The following PRSS12 variants were observed in gnomAD, a reference collection of about 807,000 sequenced individuals.
The protein encoded by PRSS12 is serine protease 12.
PRSS12 carries 85 observed loss-of-function variants against 104.4 expected under a neutral mutation model. That is an observed-to-expected ratio of 0.81 (90% CI 0.68 to 0.98). The LOEUF is 0.98. Among genes scored for constraint, PRSS12 ranks in the 50% least tolerant of loss-of-function variants. The pLI is 0.00. For missense variants in PRSS12, 1,141 were observed against 1,139.2 expected (o/e 1.00, Z -0.02); for synonymous variants, 454 against 425.2 (o/e 1.07, Z -0.83).
chr4:118,313,022 T>C (rs1743790197), intron 7 of PRSS12, 179 bp downstream of exon 7: 2 of 693,874 alleles, frequency 2.9e-6, no homozygotes, highest in South Asian at 3.8e-5. Flanking sequence ...TTCATAATGT[T>C]GGCGCACAGA....
chr4:118,305,548 A>G (rs958735018), intron 8 of PRSS12, among the ~76,000 whole-genome samples: 2 of 152,042 alleles, frequency 1.3e-5, no homozygotes, highest in African/African-American at 4.8e-5. Context: ...CATTACCACA[A>G]CCAAGGTGCT....
intron 8 of PRSS12, among the ~76,000 whole-genome samples, chr4:118,299,542 T>G (rs903407292): frequency 2.0e-5 from 3 of 151,802 alleles, no homozygotes; most frequent in African/African-American, 7.2e-5. Flanking sequence ...TAGCTGGGCA[T>G]GGTGGCACGT....
At chr4:118,308,918 G>T (rs1490817348) in intron 7 of PRSS12, among the ~76,000 whole-genome samples, 1 of 152,076 alleles carries the variant, frequency 6.6e-6, no homozygotes, top group Admixed American at 6.5e-5. Context: ...AATAGTAAAA[G>T]AACATTAACT....
chr4:118,302,549 C>A (rs1743426788), intron 8 of PRSS12, among the ~76,000 whole-genome samples: 1 of 152,188 alleles, frequency 6.6e-6, no homozygotes, highest in African/African-American at 2.4e-5. Flanking sequence ...GCCTCAGCCT[C>A]CCGAGCGGCT....
chr4:118,298,585 A>G (rs1027962903), intron 9 of PRSS12, 148 bp downstream of exon 9: 108 of 902,972 alleles, frequency 1.2e-4, no homozygotes, highest in Non-Finnish European at 1.1e-4. Flanking sequence ...CAAGTTTGCC[A>G]AGAACTACCG....
At chr4:118,293,983 C>T (rs1255694727) in intron 11 of PRSS12, among the ~76,000 whole-genome samples, 3 of 152,150 alleles carry the variant, frequency 2.0e-5, no homozygotes, top group Non-Finnish European at 4.4e-5. Context: ...AATAAATAAA[C>T]TGGTTCAGTC....
At chr4:118,310,003 A>G (rs1015114889) in intron 7 of PRSS12, among the ~76,000 whole-genome samples, 2 of 152,176 alleles carry the variant, frequency 1.3e-5, no homozygotes, top group Non-Finnish European at 2.9e-5. Context: ...GGAATCACAG[A>G]GCAAAATCAA....
chr4:118,311,835 C>T (rs1743738794), intron 7 of PRSS12, among the ~76,000 whole-genome samples: 1 of 152,142 alleles, frequency 6.6e-6, no homozygotes, highest in Non-Finnish European at 1.5e-5. Context: ...CACAGGCCTA[C>T]AGAGAACTCA....
At chr4:118,344,392 T>C (rs765834543) in intron 1 of PRSS12, among the ~76,000 whole-genome samples, 1 of 151,946 alleles carries the variant, frequency 6.6e-6, no homozygotes, top group African/African-American at 2.4e-5. Context: ...ATTTTTATGT[T>C]ATTTTCTTTC....
chr4:118,281,306 C>A lies in PRSS12; in HGVS notation c.*630G>T, dbSNP rs1057433772. 1 of 154,250 alleles carries A rather than the reference C, an allele frequency of 6.5e-6. No individual in the cohort carries two copies. The highest frequency in any genetic ancestry group is 1.4e-5 in the Non-Finnish European group (1 of 69,332). The allele number at this position is 154,250 out of a possible 1,614,324, so 9.6% of individuals were successfully genotyped here. Reference sequence around the variant, plus strand: ...TTTTTATCTTATGGTTTCTGTAGCACTTGGTACTCAACAAGGATACTTGTT... The same window carrying A: ...TTTTTATCTTATGGTTTCTGTAGCAATTGGTACTCAACAAGGATACTTGTT... On this transcript the variant is annotated 3_prime_UTR_variant, in exon 13 of 13. Coordinates refer to ENST00000296498, the MANE Select transcript of PRSS12 (RefSeq NM_003619.4).
At chr4:118,299,789 T>TAAAATA (rs1743359035) in intron 8 of PRSS12, among the ~76,000 whole-genome samples, 1 of 90,336 alleles carries the variant, frequency 1.1e-5, no homozygotes, top group Admixed American at 1.4e-4. Context: ...TAAAATAAAA[T>TAAAATA]AAAATAAATA....
At position 118,295,032 on chromosome 4, in the gene PRSS12, C is replaced by T. The variant is rs771497164; in HGVS notation, c.1946G>A (p.Arg649Gln). 2.2e-4 allele frequency: 353 copies of T among 1,613,926 alleles called. No homozygotes were observed. Among genetic ancestry groups the T allele is most frequent in the Non-Finnish European group, 2.9e-4 (341 of 1,180,018 alleles). Residue 649 changes from arginine (R) to glutamine (Q), a missense_variant, in exon 11 of 13, where the codon CGG becomes CAG. Arg to Gln is a conservative substitution (Grantham distance 43, BLOSUM62 1). Transcript: ENST00000296498. ...RGGWPWQVSL[R>Q]LKSSHGDGRL... The stretch of plus-strand genomic sequence containing the variant: ...GCCATCTCCATGGGATGACTTCAGC[C>T]GGAGGGAAACCTGCCAAGGCCAACC...
intron 8 of PRSS12, among the ~76,000 whole-genome samples, chr4:118,305,074 G>T (rs1028543291): frequency 6.7e-6 from 1 of 148,816 alleles, no homozygotes; most frequent in African/African-American, 2.5e-5. Flanking sequence ...AAAGATCCTC[G>T]GCACTAGTCA....
At chr4:118,335,275 C>A (rs1489047325) in intron 3 of PRSS12, among the ~76,000 whole-genome samples, 198 bp downstream of exon 3, 3 of 151,776 alleles carry the variant, frequency 2.0e-5, no homozygotes, top group African/African-American at 7.3e-5. Context: ...AAATGAGATA[C>A]CACTGGAAAA....
chr4:118,323,255 A>G (rs1477803602), intron 4 of PRSS12, among the ~76,000 whole-genome samples: 1 of 152,086 alleles, frequency 6.6e-6, no homozygotes, highest in African/African-American at 2.4e-5. Context: ...CTCTAGAGAA[A>G]GGCAGATTAA....
At chr4:118,343,177 C>G (rs1175661694) in intron 1 of PRSS12, among the ~76,000 whole-genome samples, 2 of 151,930 alleles carry the variant, frequency 1.3e-5, no homozygotes, top group Admixed American at 1.3e-4. Context: ...CTGTTTGAGC[C>G]CTGGGGTTAG....
At position 118,282,053 on chromosome 4, in the gene PRSS12, G is replaced by C. The variant is rs1177409041; in HGVS notation, c.2511C>G (p.Ser837Arg). ...AGGAGGTCACCCCATACACCACCCAGCTCTCTCCGGGCCGTTCACACATGA... is the reference window on the plus strand; with the variant it reads ...AGGAGGTCACCCCATACACCACCCACCTCTCTCCGGGCCGTTCACACATGA... Reference protein sequence around the residue: ...GPLMCERPGESWVVYGVTSWG... With the variant: ...GPLMCERPGERWVVYGVTSWG... The change falls in exon 13 of 13, where the codon AGC (serine) becomes AGG (arginine). Residue 837 changes from serine to arginine, a missense_variant. Coordinates refer to ENST00000296498, the MANE Select transcript of PRSS12 (RefSeq NM_003619.4). 1 of 1,614,012 alleles carries C rather than the reference G, an allele frequency of 6.2e-7. No individual in the cohort carries two copies. The highest frequency in any genetic ancestry group is 1.3e-5 in the African/African-American group (1 of 74,908).
At chr4:118,288,302 T>C (rs1440287467) in intron 11 of PRSS12, among the ~76,000 whole-genome samples, 1 of 152,258 alleles carries the variant, frequency 6.6e-6, no homozygotes, top group Admixed American at 6.5e-5. Context: ...ATACTATGTG[T>C]ACTACAGAAA....
intron 4 of PRSS12, 51 bp from the exon 5 acceptor site, chr4:118,318,607 T>C: frequency 2.6e-6 from 4 of 1,564,862 alleles, no homozygotes; most frequent in Non-Finnish European, 3.5e-6. Flanking sequence ...CAAAGATTGG[T>C]CTTTTATTTT....
Sources: gnomAD v4.1 joint callset for allele counts (sites outside exome capture counted in the v4.1 genomes callset) on GRCh38, gnomAD v4.1.1 for gene constraint, MANE v1.5 for transcripts, NCBI Gene and HGNC (gene_info 2026-07-23, HGNC 2026-07-21) for gene names.